The following COL22A1 variants were observed in gnomAD, a reference collection of about 807,000 sequenced individuals.
The protein encoded by COL22A1 is collagen alpha-1(XXII) chain.
In COL22A1, 221 loss-of-function variants were observed where a neutral mutation model predicts 248.9. The observed-to-expected ratio is 0.89, with a 90% confidence interval of 0.80 to 0.99. The LOEUF is 0.99. COL22A1 is among the 50% of genes least tolerant of loss of function. COL22A1 has a pLI of 0.00. For synonymous variants in COL22A1, 891 were observed against 793.4 expected (o/e 1.12, Z -2.07); for missense variants, 2,240 against 2,179.0 (o/e 1.03, Z -0.56).
chr8:138,633,404 C>T (rs4909434), intron 49 of COL22A1, among the ~76,000 whole-genome samples: 133,239 of 151,934 alleles, frequency 0.88, 60,032 homozygotes, highest in East Asian at 1. Context: ...TTTCCTACAG[C>T]AGTCATAGAG....
rs145151340 is a variant in COL22A1, at chr8:138,590,650, A to G, written c.4693+774T>C. The stretch of plus-strand genomic sequence containing the variant: ...AATACTAAAATCGAAATTCTCTATA[A>G]GATCAATATTCAGATTTGACCTCAG... On this transcript the variant is annotated intron_variant, in intron 64 of 64. Coordinates refer to ENST00000303045, the MANE Select transcript of COL22A1 (RefSeq NM_152888.3). 2.4e-3 allele frequency among the ~76,000 whole-genome samples: 363 copies of G among 152,358 alleles called. 2 individuals are homozygous for G. Among genetic ancestry groups the G allele is most frequent in the African/African-American group, 8.4e-3 (348 of 41,590 alleles).
At chr8:138,913,329 GCTC>G in intron 1 of COL22A1, among the ~76,000 whole-genome samples, 1 of 152,160 alleles carries the variant, frequency 6.6e-6, no homozygotes, top group Admixed American at 6.5e-5. Flanking sequence ...CCATCGCTGA[GCTC>G]CTCGCTGCTC....
At chr8:138,735,199 A>C (rs1041806061) in intron 23 of COL22A1, among the ~76,000 whole-genome samples, 1 of 152,204 alleles carries the variant, frequency 6.6e-6, no homozygotes, top group Non-Finnish European at 1.5e-5. Context: ...TAAACTTTGA[A>C]GAAAAAGAAA....
chr8:138,780,027 G>T (rs1479140223), intron 13 of COL22A1, among the ~76,000 whole-genome samples: 1 of 152,140 alleles, frequency 6.6e-6, no homozygotes, highest in Non-Finnish European at 1.5e-5. Context: ...CTCCCAAATA[G>T]CTGGGATTAT....
chr8:138,816,964 C>T (rs1818731258), intron 7 of COL22A1, among the ~76,000 whole-genome samples: 1 of 152,206 alleles, frequency 6.6e-6, no homozygotes, highest in African/African-American at 2.4e-5. Flanking sequence ...TGAGAACTCC[C>T]CATGTGCCAG....
At chr8:138,656,771 C>T (rs1014711218) in intron 44 of COL22A1, among the ~76,000 whole-genome samples, 7 of 152,100 alleles carry the variant, frequency 4.6e-5, no homozygotes, top group African/African-American at 1.7e-4. Context: ...AAAAGGAATA[C>T]CAGAAGACCC....
At chr8:138,801,697 G>T (rs1817013748) in intron 11 of COL22A1, among the ~76,000 whole-genome samples, 1 of 152,102 alleles carries the variant, frequency 6.6e-6, no homozygotes, top group Admixed American at 6.6e-5. Flanking sequence ...TGGCCAACGT[G>T]GTGAAACTCC....
intron 60 of COL22A1, 38 bp downstream of exon 60, chr8:138,602,077 C>T (rs199558229): frequency 1.5e-4 from 245 of 1,612,962 alleles, no homozygotes; most frequent in Middle Eastern, 3.3e-4. Context: ...GCAAAGGTCG[C>T]GTTCGGCGTG....
At chr8:138,862,026 T>TGAA (rs1164386898) in intron 3 of COL22A1, among the ~76,000 whole-genome samples, 1 of 93,274 alleles carries the variant, frequency 1.1e-5, no homozygotes, top group African/African-American at 4.3e-5. Flanking sequence ...CTGTCTCTAC[T>TGAA]AAAAAAAAAA....
intron 10 of COL22A1, among the ~76,000 whole-genome samples, chr8:138,803,524 AAAAAT>A (rs55672917): frequency 5.9e-5 from 9 of 151,950 alleles, no homozygotes; most frequent in Non-Finnish European, 1.2e-4. Context: ...AGTATAATAA[AAAAAT>A]AAAATAAAAT....
intron 32 of COL22A1, among the ~76,000 whole-genome samples, chr8:138,699,849 C>G (rs1254409045): frequency 6.6e-6 from 1 of 152,254 alleles, no homozygotes; most frequent in Non-Finnish European, 1.5e-5. Flanking sequence ...ATTAACTTTT[C>G]CCAGAGATGC....
chr8:138,650,497 G>A (rs1198995153), intron 45 of COL22A1, among the ~76,000 whole-genome samples: 1 of 152,110 alleles, frequency 6.6e-6, no homozygotes, highest in Non-Finnish European at 1.5e-5. Flanking sequence ...CACACTATGT[G>A]CCAAATAAAA....
At chr8:138,743,945 T>C (rs753901728) in intron 22 of COL22A1, among the ~76,000 whole-genome samples, 23 of 152,142 alleles carry the variant, frequency 1.5e-4, no homozygotes, top group Non-Finnish European at 2.9e-5. Context: ...AAGGATTGCT[T>C]GTGCAACTGA....
chr8:138,606,310 G>A, intron 58 of COL22A1, 71 bp downstream of exon 58: 1 of 1,331,428 alleles, frequency 7.5e-7, no homozygotes, highest in East Asian at 2.4e-5. Context: ...GAGGTGGCAG[G>A]GAAGGTACTG....
intron 59 of COL22A1, among the ~76,000 whole-genome samples, chr8:138,602,689 A>G (rs1818124156): frequency 6.6e-6 from 1 of 152,080 alleles, no homozygotes; most frequent in African/African-American, 2.4e-5. Context: ...GCCCTCTTCT[A>G]TGTTCCCACA....
chr8:138,633,465 T>C (rs1011927057), intron 49 of COL22A1, among the ~76,000 whole-genome samples: 20 of 152,218 alleles, frequency 1.3e-4, no homozygotes, highest in African/African-American at 3.1e-4. Context: ...TTTGGTTTCA[T>C]TGGGAACATG....
chr8:138,802,436 T>A (rs888087562), intron 11 of COL22A1, among the ~76,000 whole-genome samples: 9 of 151,872 alleles, frequency 5.9e-5, no homozygotes, highest in Non-Finnish European at 8.8e-5. Flanking sequence ...GAGTGATGTC[T>A]TGGAGAATTA....
chr8:138,647,343 C>T (rs189732789), intron 46 of COL22A1, among the ~76,000 whole-genome samples: 32 of 152,224 alleles, frequency 2.1e-4, no homozygotes, highest in Non-Finnish European at 3.7e-4. Context: ...CCAGCGAAAC[C>T]ACTTCTGGAT....
chr8:138,734,116 C>T (rs1185219669), intron 23 of COL22A1, among the ~76,000 whole-genome samples: 1 of 152,228 alleles, frequency 6.6e-6, no homozygotes, highest in East Asian at 1.9e-4. Context: ...CAAACTGCCT[C>T]TGTTGCTCCC....
Sources: gnomAD v4.1 joint callset for allele counts (sites outside exome capture counted in the v4.1 genomes callset) on GRCh38, gnomAD v4.1.1 for gene constraint, MANE v1.5 for transcripts, NCBI Gene and HGNC (gene_info 2026-07-23, HGNC 2026-07-21) for gene names.